ODAD2: variants seen among roughly 807,000 people sequenced by gnomAD.
ODAD2 encodes the protein outer dynein arm docking complex subunit 2, also known as outer dynein arm-docking complex subunit 2.
Under a neutral mutation model 106.8 loss-of-function variants are expected in ODAD2, and 89 were observed. The observed-to-expected ratio is 0.83, with a 90% CI of 0.70 to 0.99. ODAD2 has a LOEUF of 0.99. Among genes scored for constraint, ODAD2 ranks in the 50% least tolerant of loss-of-function variants. ODAD2 has a pLI of 0.00. For synonymous variants in ODAD2, 404 were observed against 436.2 expected, an observed-to-expected ratio of 0.93 and a Z score of 0.92; for missense variants, 1,168 against 1,238.5, an observed-to-expected ratio of 0.94 and a Z score of 0.85.
chr10:27,959,225 AGGGG>A (rs1847946270), intron 10 of ODAD2, among the ~76,000 whole-genome samples: 3 of 18,678 alleles, frequency 1.6e-4, no homozygotes, highest in Non-Finnish European at 2.7e-4. Context: ...AGGGGAGGGG[AGGGG>A]AGGCGAGGAG....
At chr10:27,879,883 T>C (rs1841586327) in intron 17 of ODAD2, among the ~76,000 whole-genome samples, 2 of 152,222 alleles carry the variant, frequency 1.3e-5, no homozygotes, top group South Asian at 2.1e-4. Flanking sequence ...TTCTGCTGTG[T>C]ACCTTTAGCC....
At chr10:27,983,202 T>G (rs1417365476) in intron 6 of ODAD2, among the ~76,000 whole-genome samples, 7 of 152,172 alleles carry the variant, frequency 4.6e-5, no homozygotes, top group Admixed American at 2.0e-4. Flanking sequence ...CTGGGAAATA[T>G]CACTATCAGT....
intron 19 of ODAD2, among the ~76,000 whole-genome samples, chr10:27,856,915 C>T (rs992546255): frequency 6.6e-5 from 10 of 152,048 alleles, no homozygotes; most frequent in African/African-American, 1.7e-4. Context: ...TGCAGTGAGC[C>T]GAGATTGAGC....
intron 17 of ODAD2, among the ~76,000 whole-genome samples, chr10:27,888,360 T>C (rs1046217668): frequency 6.6e-6 from 1 of 152,156 alleles, no homozygotes; most frequent in Non-Finnish European, 1.5e-5. Context: ...ATAATAGCCA[T>C]CCTGAATGGA....
intron 2 of ODAD2, among the ~76,000 whole-genome samples, chr10:27,987,955 T>A (rs1849982135): frequency 6.6e-6 from 1 of 151,308 alleles, no homozygotes; most frequent in South Asian, 2.1e-4. Flanking sequence ...TACACCACAG[T>A]AATTAGTGGT....
intron 17 of ODAD2, among the ~76,000 whole-genome samples, chr10:27,876,554 A>AACTCCCACAG (rs1677212091): frequency 6.6e-6 from 1 of 152,156 alleles, no homozygotes; most frequent in Non-Finnish European, 1.5e-5. Flanking sequence ...AACTCCCACA[A>AACTCCCACAG]ACTCCCACTT....
At chr10:27,874,165 A>G (rs1438000557) in intron 17 of ODAD2, among the ~76,000 whole-genome samples, 1 of 152,112 alleles carries the variant, frequency 6.6e-6, no homozygotes, top group Non-Finnish European at 1.5e-5. Context: ...TTTATCAGAG[A>G]CTAGGATTGC....
intron 2 of ODAD2, 48 bp from the exon 3 acceptor site, chr10:27,987,591 C>A: frequency 7.3e-7 from 1 of 1,375,950 alleles, no homozygotes; most frequent in South Asian, 1.4e-5. Context: ...ACCTAGAGGT[C>A]AGTAGAAGTT....
At chr10:27,830,771 A>C (rs997946995) in intron 19 of ODAD2, among the ~76,000 whole-genome samples, 2 of 152,218 alleles carry the variant, frequency 1.3e-5, no homozygotes, top group Non-Finnish European at 2.9e-5. Context: ...CAATAAAGTC[A>C]TTCCTTCAAT....
intron 19 of ODAD2, among the ~76,000 whole-genome samples, chr10:27,843,882 T>G (rs1209961987): frequency 6.6e-6 from 1 of 152,142 alleles, no homozygotes; most frequent in Admixed American, 6.5e-5. Context: ...TGGTTTAAAC[T>G]TGATATACTA....
intron 8 of ODAD2, 147 bp from the exon 9 acceptor site, chr10:27,969,165 A>C (rs1325981484): frequency 3.3e-6 from 2 of 601,424 alleles, no homozygotes; most frequent in East Asian, 6.6e-5. Flanking sequence ...TCATTCTGAC[A>C]CTCGGAGCTG....
chr10:27,993,574 A>T (rs7917840), intron 2 of ODAD2, among the ~76,000 whole-genome samples: 68,542 of 151,802 alleles, frequency 0.45, 16,330 homozygotes, highest in African/African-American at 0.61. Flanking sequence ...TGCTTGAACC[A>T]GAGAGGTGGA....
At chr10:27,896,960 C>T (rs1319511112) in intron 17 of ODAD2, among the ~76,000 whole-genome samples, 1 of 152,066 alleles carries the variant, frequency 6.6e-6, no homozygotes, top group African/African-American at 2.4e-5. Flanking sequence ...CAGTGCCATC[C>T]AACTTAAACT....
intron 16 of ODAD2, 138 bp from the exon 17 acceptor site, chr10:27,907,915 C>A: frequency 1.0e-5 from 6 of 590,296 alleles, no homozygotes; most frequent in Non-Finnish European, 1.5e-5. Flanking sequence ...AAAACTTCAT[C>A]AACAGTAGGG....
intron 9 of ODAD2, among the ~76,000 whole-genome samples, chr10:27,963,493 T>C (rs1484016953): frequency 6.6e-6 from 1 of 152,166 alleles, no homozygotes; most frequent in Non-Finnish European, 1.5e-5. Context: ...AAGGTGTCCT[T>C]AAATATCAAA....
At chr10:27,946,689 T>TTATATATATATATATATATA (rs1846952255) in intron 10 of ODAD2, among the ~76,000 whole-genome samples, 1 of 152,312 alleles carries the variant, frequency 6.6e-6, no homozygotes, top group Admixed American at 6.5e-5. Flanking sequence ...ATACCATGTC[T>TTATATATATATATATATATA]TATATATAAT....
At chr10:27,991,195 C>A (rs1304555881) in intron 2 of ODAD2, among the ~76,000 whole-genome samples, 1 of 152,086 alleles carries the variant, frequency 6.6e-6, no homozygotes, top group Admixed American at 6.5e-5. Context: ...AAAGCAATTG[C>A]AAATGATAAT....
intron 6 of ODAD2, chr10:27,981,835 T>C (rs1564574356): frequency 1.0e-5 from 3 of 285,902 alleles, no homozygotes; most frequent in South Asian, 1.1e-4. Flanking sequence ...GTACCTCCTA[T>C]ATGCATGTAA....
chr10:27,850,473 C>G (rs990515691), intron 19 of ODAD2, among the ~76,000 whole-genome samples: 36 of 146,418 alleles, frequency 2.5e-4, no homozygotes, highest in African/African-American at 8.3e-4. Context: ...AAAAGAATCA[C>G]TTGAACGTGG....
Sources: allele counts gnomAD v4.1 joint callset (sites outside exome capture counted in the v4.1 genomes callset), GRCh38; gene constraint gnomAD v4.1.1; transcripts MANE v1.5; gene names NCBI Gene and HGNC (gene_info 2026-07-23, HGNC 2026-07-21).